The following CANX variants were observed in gnomAD, a reference collection of about 807,000 sequenced individuals.
CANX encodes the protein calnexin.
A neutral mutation model predicts 75.7 loss-of-function variants in CANX; 14 were observed. The ratio of observed to expected loss-of-function variants is 0.19; its 90% CI spans 0.12 to 0.29. The LOEUF (loss-of-function observed/expected upper bound fraction) is 0.29. Ranked by LOEUF, CANX falls within the 10% of genes least tolerant of loss-of-function variation. The pLI, the probability that CANX is intolerant of heterozygous loss-of-function variation, is 1.00. For synonymous variants in CANX, 227 were observed against 236.9 expected, an observed-to-expected ratio of 0.96 and a Z score of 0.38; for missense variants, 567 against 713.2, an observed-to-expected ratio of 0.79 and a Z score of 2.34.
Position 179,688,061 on chromosome 5 carries a change from C to CT in CANX, c.-4+9299dup, listed in dbSNP as rs76113200. ...AAAATAAATAAATAAAGTCAGTATT[C>CT]TTTTTTTTTTTTTTTAAGATGGAGT... On this transcript the variant is annotated intron_variant, in intron 1 of 14. Transcript: ENST00000681674. 5.7e-3 allele frequency among the ~76,000 whole-genome samples: 772 copies of CT among 136,338 alleles called. 4 individuals are homozygous for CT. Among genetic ancestry groups the CT allele is most frequent in the African/African-American group, 0.016 (616 of 37,536 alleles). The allele number at this position is 136,338 out of a possible 152,430, so 89.4% of individuals were successfully genotyped here.
intron 1 of CANX, among the ~76,000 whole-genome samples, chr5:179,681,581 A>C (rs952535499): frequency 7.2e-5 from 11 of 152,074 alleles, no homozygotes; most frequent in Admixed American, 2.6e-4. Context: ...AAAGCAAGGG[A>C]GCCCGTCTTT....
At chr5:179,722,749 T>A in intron 10 of CANX, 55 bp from the exon 11 acceptor site, 1 of 1,278,898 alleles carries the variant, frequency 7.8e-7, no homozygotes, top group Non-Finnish European at 1.1e-6. Context: ...AGATTCACCA[T>A]AAACTTTTGT....
upstream of CANX, among the ~76,000 whole-genome samples, chr5:179,693,512 AAAAAT>A: frequency 6.6e-6 from 1 of 152,034 alleles, no homozygotes; most frequent in South Asian, 2.1e-4. Context: ...GATCTCTACT[AAAAAT>A]AGAGAAATTA....
chr5:179,721,907 A>G (rs1232952959), intron 10 of CANX, among the ~76,000 whole-genome samples: 1 of 152,186 alleles, frequency 6.6e-6, no homozygotes, highest in Non-Finnish European at 1.5e-5. Context: ...ATATGTATAT[A>G]TACATATACT....
rs186833378 is a variant in CANX, at chr5:179,730,859, G to A, written c.*2215G>A. On this transcript the variant is annotated 3_prime_UTR_variant, in exon 15 of 15. Coordinates refer to ENST00000247461, the MANE Select transcript of CANX (RefSeq NM_001746.4). ...GTTCCTCCATTTTCTTATCCACAAA[G>A]TACTCCTCACTTTTCAATTTGTCAT... 11 of 152,268 alleles carry A rather than the reference G, an allele frequency of 7.2e-5. No individual in the cohort carries two copies. Among genetic ancestry groups the A allele is most frequent in the Admixed American group, 4.6e-4 (7 of 15,296 alleles). The allele number at this position is 152,268 out of a possible 1,614,324, so 9.4% of individuals were successfully genotyped here.
chr5:179,687,999 C>T (rs1290897800), intron 1 of CANX, among the ~76,000 whole-genome samples: 1 of 151,590 alleles, frequency 6.6e-6, no homozygotes, highest in East Asian at 2.0e-4. Flanking sequence ...AGTGCCACTG[C>T]ACTCCAGCTT....
In CANX at chr5:179,705,828, C is replaced by T. The variant is rs765970415; in HGVS notation, c.147C>T (p.Thr49=). The T allele has an allele frequency of 1.9e-6, 3 of 1,613,332 alleles. No individual in the cohort carries two copies. In the South Asian group the frequency reaches 3.3e-5, roughly 18 times the overall value. ...IEEVEDSKPD[T]TAPPSSPKVT... is the part of the protein sequence containing the mutation. ...AGGTAGAAGACTCAAAACCAGATAC[C>T]ACTGCTCCTCCTTCATCTCCCAAGG... is the stretch of plus-strand genomic sequence containing the variant. The change falls in exon 2 of 15, where the codon ACC becomes ACT. Residue 49 remains threonine, a synonymous_variant. Transcript: ENST00000247461.
upstream of CANX, among the ~76,000 whole-genome samples, chr5:179,695,205 C>A (rs1170484489): frequency 6.6e-6 from 1 of 151,822 alleles, no homozygotes; most frequent in Non-Finnish European, 1.5e-5. Context: ...ACCCGCCCCA[C>A]ACCCGGCTAA....
chr5:179,728,233 A>T (rs900541599), intron 14 of CANX, among the ~76,000 whole-genome samples: 1 of 152,220 alleles, frequency 6.6e-6, no homozygotes, highest in South Asian at 2.1e-4. Flanking sequence ...TTCCATCTTC[A>T]TGAATCCTTG....
At chr5:179,699,477 G>C (rs909426994) in intron 1 of CANX, 8 of 152,332 alleles carry the variant, frequency 5.3e-5, no homozygotes, top group African/African-American at 1.9e-4. Context: ...GGGTGGAATC[G>C]GGCCTACTAG....
intron 1 of CANX, among the ~76,000 whole-genome samples, chr5:179,690,308 G>C (rs1259536674): frequency 6.6e-6 from 1 of 152,326 alleles, no homozygotes; most frequent in East Asian, 1.9e-4. Flanking sequence ...AGGCGCAGTG[G>C]CTCACGCCTG....
intron 1 of CANX, chr5:179,679,106 G>A (rs1169416129): frequency 1.3e-6 from 2 of 1,535,700 alleles, no homozygotes; most frequent in Non-Finnish European, 8.7e-7. Context: ...CAGGCGGCTG[G>A]CATGGCTCGT....
intron 1 of CANX, among the ~76,000 whole-genome samples, chr5:179,683,922 C>T (rs528350121): frequency 6.6e-6 from 1 of 152,272 alleles, no homozygotes; most frequent in East Asian, 1.9e-4. Flanking sequence ...CAGTTCATTG[C>T]TTTTTATTGC....
intron 1 of CANX, among the ~76,000 whole-genome samples, chr5:179,681,164 C>G (rs1481895865): frequency 6.6e-6 from 1 of 152,212 alleles, no homozygotes; most frequent in East Asian, 1.9e-4. Flanking sequence ...CTCTCCCCTG[C>G]ATGCATTCAG....
At position 179,710,030 on chromosome 5, in the gene CANX, A is replaced by G. The variant is rs1777425600; in HGVS notation, c.686A>G (p.Tyr229Cys). ...AKRPDADLKT[Y>C]FTDKKTHLYT... ...AGGCCAGATGCAGATCTGAAGACCT[A>G]TTTTACTGATAAGAAAACACATCTT... Residue 229 changes from tyrosine (Y) to cysteine (C), a missense_variant, in exon 7 of 15, where the codon TAT becomes TGT. By Grantham distance (194) the Tyr-to-Cys change is radical. This residue lies in a region of CANX where 351 missense variants were observed against 433.8 expected (regional missense o/e 0.81). Transcript: ENST00000247461. 1 of 1,608,822 alleles carries G rather than the reference A, an allele frequency of 6.2e-7. No individual in the cohort carries two copies. The highest frequency in any genetic ancestry group is 1.1e-5 in the South Asian group (1 of 90,314).
chr5:179,715,881 A>G (rs1208848235), intron 7 of CANX: 4 of 610,824 alleles, frequency 6.5e-6, no homozygotes, highest in South Asian at 3.3e-5. Flanking sequence ...TTTAACTATC[A>G]TTTGCTGTAA....
At chr5:179,701,907 G>T (rs1372257350) in intron 1 of CANX, among the ~76,000 whole-genome samples, 1 of 151,468 alleles carries the variant, frequency 6.6e-6, no homozygotes, top group Non-Finnish European at 1.5e-5. Flanking sequence ...ACCCGGCCCG[G>T]TTTTTTGTAT....
chr5:179,726,757 G>C lies in CANX; in HGVS notation c.1723G>C (p.Glu575Gln). The C allele has an allele frequency of 6.2e-7, 1 of 1,608,888 alleles. No homozygotes were observed. Among genetic ancestry groups the C allele is most frequent in the African/African-American group, 1.3e-5 (1 of 74,904 alleles). ...QEEEDRKPKA[E>Q]EDEILNRSPR... ...GGAGGAAGACAGAAAACCTAAAGCAGAGGTAAAGGAAAGGGGTCACACATT... is the reference window on the plus strand; with the variant it reads ...GGAGGAAGACAGAAAACCTAAAGCACAGGTAAAGGAAAGGGGTCACACATT... Residue 575 changes from glutamate (E) to glutamine (Q), a missense_variant and splice_region_variant, in exon 14 of 15, where the codon GAG becomes CAG. Glu to Gln is a conservative substitution (Grantham distance 29, BLOSUM62 2). Around this residue, in one of 3 missense-constraint regions of CANX, gnomAD observed 167 missense variants for 179.3 expected, o/e 0.93. Transcript: ENST00000247461.
chr5:179,693,619 G>A (rs1029033618), upstream of CANX, among the ~76,000 whole-genome samples: 1 of 151,972 alleles, frequency 6.6e-6, no homozygotes, highest in African/African-American at 2.4e-5. Context: ...GTTGCAGTGA[G>A]CCGAGATTGT....
Sources: gnomAD v4.1 joint callset for allele counts (sites outside exome capture counted in the v4.1 genomes callset) on GRCh38, gnomAD v4.1.1 for gene constraint, gnomAD v4.1.1 regional missense constraint, MANE v1.5 for transcripts, NCBI Gene and HGNC (gene_info 2026-07-23, HGNC 2026-07-21) for gene names.